Variants in CDH8 observed in about 807,000 individuals in gnomAD.
CDH8 encodes cadherin 8, also known as cadherin-8.
In CDH8, 17 loss-of-function variants were observed where a neutral mutation model predicts 68.1. The ratio of observed to expected loss-of-function variants is 0.25; its 90% CI spans 0.17 to 0.37. CDH8 has a LOEUF of 0.37. CDH8 is among the 10% of genes least tolerant of loss of function. The probability of loss-of-function intolerance (pLI) is 1.00; values close to 1 mark genes in which losing one functional copy is unlikely to be tolerated. For missense variants in CDH8, 763 were observed against 999.3 expected (o/e 0.76, Z 3.19); for synonymous variants, 372 against 365.1 (o/e 1.02, Z -0.21).
rs757989448 is a variant in CDH8, at chr16:61,857,116, A to G, written c.667+3T>C. On this transcript the variant is annotated splice_donor_region_variant and intron_variant, in intron 4 of 11. Transcript: ENST00000577390. ...AATATAATTCGAAATTTAGGCCACA[A>G]ACCTGTTTCAGGCTCAATGGAAAAA... 8 of 1,613,322 alleles carry G rather than the reference A, an allele frequency of 5.0e-6. No homozygotes were observed. In the African/African-American group the frequency reaches 9.3e-5, roughly 19 times the overall value.
chr16:61,919,535 C>G (rs1567528607), intron 2 of CDH8, among the ~76,000 whole-genome samples: 1 of 148,008 alleles, frequency 6.8e-6, no homozygotes. Context: ...CCTCAGGAGC[C>G]GATGAGATCA....
At chr16:61,755,358 G>C (rs948040455) in intron 8 of CDH8, among the ~76,000 whole-genome samples, 1 of 152,038 alleles carries the variant, frequency 6.6e-6, no homozygotes, top group East Asian at 1.9e-4. Flanking sequence ...TGTATATATA[G>C]TATACATTTA....
intron 8 of CDH8, chr16:61,743,521 C>G (rs1959935272): frequency 1.3e-5 from 2 of 152,196 alleles, no homozygotes; most frequent in Non-Finnish European, 2.9e-5. Context: ...AGCAATGCTT[C>G]CTTCTTCATT....
intron 8 of CDH8, among the ~76,000 whole-genome samples, chr16:61,785,172 A>T (rs1351072309): frequency 2.7e-4 from 35 of 128,350 alleles, no homozygotes; most frequent in Non-Finnish European, 4.7e-4. Flanking sequence ...AAGGATCAAC[A>T]AAATTGATAG....
In CDH8 at chr16:61,956,669, T is replaced by C. The variant is rs115190753; in HGVS notation, c.253-55196A>G. The stretch of plus-strand genomic sequence containing the variant: ...GTATTTCCTTGGCAGGAATTTATTT[T>C]ACTTCTCAAGTATAAAACAGAAATA... On this transcript the variant is annotated intron_variant, in intron 2 of 11. Coordinates refer to ENST00000577390, the MANE Select transcript of CDH8 (RefSeq NM_001796.5). Among the ~76,000 whole-genome samples the C allele has an allele frequency of 7.5e-3, 1,142 of 152,314 alleles. 9 individuals are homozygous for C. Among genetic ancestry groups the C allele is most frequent in the African/African-American group, 0.027 (1,104 of 41,568 alleles).
At chr16:61,976,353 G>C (rs1965434008) in intron 2 of CDH8, among the ~76,000 whole-genome samples, 1 of 152,070 alleles carries the variant, frequency 6.6e-6, no homozygotes, top group African/African-American at 2.4e-5. Flanking sequence ...TTTATTTTAG[G>C]AATAGCCCAG....
chr16:62,001,099 A>G (rs1965886494), intron 2 of CDH8, among the ~76,000 whole-genome samples: 1 of 152,194 alleles, frequency 6.6e-6, no homozygotes, highest in African/African-American at 2.4e-5. Flanking sequence ...GATAATGAAG[A>G]CACAAATTAG....
intron 1 of CDH8, among the ~76,000 whole-genome samples, chr16:62,024,799 C>A (rs1032445099): frequency 2.0e-5 from 3 of 152,304 alleles, no homozygotes; most frequent in Admixed American, 6.5e-5. Flanking sequence ...ACTCAAGGAG[C>A]ACTTCTAAGT....
intron 7 of CDH8, among the ~76,000 whole-genome samples, chr16:61,801,392 T>C (rs184184036): frequency 6.6e-6 from 1 of 152,306 alleles, no homozygotes; most frequent in Non-Finnish European, 1.5e-5. Context: ...CCCTGTTCTA[T>C]CCAATATGGT....
rs1386614464 is a variant in CDH8, at chr16:61,650,058, A to G, written c.*3550T>C. 6.6e-6 allele frequency: 1 copy of G among 152,058 alleles called. No homozygotes were observed. The allele number at this position is 152,058 out of a possible 1,614,324, so 9.4% of individuals were successfully genotyped here. ...CTTAACTGCAGATTTTTTTCAAAACAGTTTCACTTTAAAGTTTACACCCTA... is the reference window on the plus strand; with the variant it reads ...CTTAACTGCAGATTTTTTTCAAAACGGTTTCACTTTAAAGTTTACACCCTA... On this transcript the variant is annotated 3_prime_UTR_variant, in exon 12 of 12. Coordinates refer to ENST00000577390, the MANE Select transcript of CDH8 (RefSeq NM_001796.5).
intron 10 of CDH8, among the ~76,000 whole-genome samples, chr16:61,675,796 T>C (rs944055928): frequency 1.3e-5 from 2 of 151,410 alleles, no homozygotes; most frequent in African/African-American, 4.8e-5. Flanking sequence ...AAATATATTA[T>C]TACATTGCTG....
chr16:61,738,493 C>T (rs978740596), intron 8 of CDH8, among the ~76,000 whole-genome samples: 4 of 152,054 alleles, frequency 2.6e-5, no homozygotes, highest in East Asian at 1.9e-4. Flanking sequence ...AATTTTAATC[C>T]GATGGGGAAA....
intron 10 of CDH8, among the ~76,000 whole-genome samples, chr16:61,696,940 G>T (rs111557323): frequency 3.9e-5 from 6 of 152,056 alleles, no homozygotes; most frequent in South Asian, 2.1e-4. Context: ...GGGACCACTC[G>T]GGGGAGGAAG....
intron 8 of CDH8, among the ~76,000 whole-genome samples, chr16:61,772,720 G>A (rs1446888639): frequency 6.6e-6 from 1 of 151,916 alleles, no homozygotes; most frequent in Non-Finnish European, 1.5e-5. Context: ...AAGACTGCGG[G>A]GATTATAGCT....
intron 2 of CDH8, among the ~76,000 whole-genome samples, chr16:61,937,432 A>G (rs1964645605): frequency 6.6e-6 from 1 of 152,296 alleles, no homozygotes; most frequent in South Asian, 2.1e-4. Context: ...TTTGAGATAC[A>G]ATTCAATTGA....
chr16:61,856,975 T>G, intron 4 of CDH8, 144 bp downstream of exon 4: 1 of 924,406 alleles, frequency 1.1e-6, no homozygotes, highest in Non-Finnish European at 1.7e-6. Context: ...TAGGGCTCAC[T>G]GTGTACCTCA....
chr16:61,877,473 A>G lies in CDH8; in HGVS notation c.548-20235T>C, dbSNP rs568344174. Among the ~76,000 whole-genome samples the G allele has an allele frequency of 1.5e-3, 235 of 152,290 alleles. 1 individual carries two copies. The highest frequency in any genetic ancestry group is 2.7e-3 in the Admixed American group (41 of 15,290). On this transcript the variant is annotated intron_variant, in intron 3 of 11. Transcript: ENST00000577390. ...CCTATGAAGACTTTAGAATTTCCAC[A>G]TATTTCATTATGTGTGTATATATGG...
At chr16:61,834,732 T>A (rs1293359958) in intron 4 of CDH8, among the ~76,000 whole-genome samples, 3 of 151,916 alleles carry the variant, frequency 2.0e-5, no homozygotes, top group Non-Finnish European at 4.4e-5. Context: ...TGAAGATTCA[T>A]AGTTATTTAT....
chr16:61,753,232 T>C (rs1194500271), intron 8 of CDH8, among the ~76,000 whole-genome samples: 1 of 123,668 alleles, frequency 8.1e-6, no homozygotes, highest in Non-Finnish European at 1.6e-5. Flanking sequence ...ACGCTTGATA[T>C]TTCTTTCTTT....
Sources: gnomAD v4.1 joint callset for allele counts (sites outside exome capture counted in the v4.1 genomes callset) on GRCh38, gnomAD v4.1.1 for gene constraint, MANE v1.5 for transcripts, NCBI Gene and HGNC (gene_info 2026-07-23, HGNC 2026-07-21) for gene names.